Variants in NRXN1 observed in about 807,000 individuals in gnomAD.
NRXN1 encodes neurexin 1, also known as neurexin-1.
NRXN1 carries 39 observed loss-of-function variants against 150.9 expected under a neutral mutation model. That is an observed-to-expected ratio of 0.26 (90% CI 0.20 to 0.34). The LOEUF (loss-of-function observed/expected upper bound fraction) is 0.34, where lower values mean the gene tolerates loss of function less well. NRXN1 is among the 10% of genes least tolerant of loss of function. The pLI, the probability that NRXN1 is intolerant of heterozygous loss-of-function variation, is 1.00. For missense variants in NRXN1, 1,815 were observed against 1,949.9 expected (o/e 0.93, Z 1.30); for synonymous variants, 924 against 757.0 (o/e 1.22, Z -3.62).
intron 5 of NRXN1, among the ~76,000 whole-genome samples, chr2:50,831,237 C>T (rs1671365325): frequency 6.6e-6 from 1 of 152,200 alleles, no homozygotes; most frequent in South Asian, 2.1e-4. Flanking sequence ...TCTACAACTT[C>T]ATGCAACAAG....
At chr2:50,882,484 C>T (rs764795887) in intron 5 of NRXN1, among the ~76,000 whole-genome samples, 5 of 151,770 alleles carry the variant, frequency 3.3e-5, no homozygotes, top group East Asian at 1.9e-4. Context: ...AGCTGGTGTA[C>T]GGCTGAGCTA....
rs111990179 is a variant in NRXN1, at chr2:50,835,267, T to G, written c.832+86602A>C. On this transcript the variant is annotated intron_variant, in intron 5 of 22. Transcript: ENST00000401669. ...AAGTGAAAGATGAAGTAATATGATA[T>G]AAAAGAAAATCTAATGATACCCTTA... Among the ~76,000 whole-genome samples the G allele has an allele frequency of 1.6e-3, 248 of 152,200 alleles. 3 individuals are homozygous for G. The highest frequency in any genetic ancestry group is 5.8e-3 in the African/African-American group (241 of 41,536).
intron 17 of NRXN1, among the ~76,000 whole-genome samples, chr2:50,369,684 CG>C (rs2079868814): frequency 6.6e-6 from 1 of 151,966 alleles, no homozygotes; most frequent in African/African-American, 2.4e-5. Context: ...CTGAAGCTAA[CG>C]GGCATCTTTA....
intron 21 of NRXN1, among the ~76,000 whole-genome samples, chr2:49,947,843 A>C (rs1010160669): frequency 6.6e-6 from 1 of 152,218 alleles, no homozygotes; most frequent in Non-Finnish European, 1.5e-5. Context: ...AAATTAGTAC[A>C]TGAAAAGTAC....
At chr2:50,035,850 A>G (rs2152572082) in intron 21 of NRXN1, among the ~76,000 whole-genome samples, 1 of 152,256 alleles carries the variant, frequency 6.6e-6, no homozygotes, top group South Asian at 2.1e-4. Context: ...CCTTATGGTA[A>G]AGTGATCTTT....
rs1340197324 is a variant in NRXN1, at chr2:51,015,197, AC to A, written c.772+12304del. ...TCTGTCTGTCTCTCTCTCTCAATTT[AC>A]TTTAATCACAAATACTCTTTTTCTC... On this transcript the variant is annotated intron_variant, in intron 2 of 22. Transcript: ENST00000401669. 2.6e-5 allele frequency among the ~76,000 whole-genome samples: 4 copies of A among 151,858 alleles called. No individual in the cohort carries two copies. The East Asian group carries it at 7.8e-4, about 30-fold the overall frequency.
chr2:50,658,228 C>T (rs1375765144), intron 5 of NRXN1, among the ~76,000 whole-genome samples: 1 of 151,890 alleles, frequency 6.6e-6, no homozygotes, highest in Non-Finnish European at 1.5e-5. Context: ...CACACTTTGT[C>T]CATCTGATAC....
At chr2:50,207,023 C>A (rs908652444) in intron 18 of NRXN1, among the ~76,000 whole-genome samples, 2 of 151,832 alleles carry the variant, frequency 1.3e-5, no homozygotes, top group Non-Finnish European at 2.9e-5. Context: ...AAAACAGCTG[C>A]TCTTCTAGCA....
chr2:50,425,471 T>C (rs1485956915), intron 17 of NRXN1, among the ~76,000 whole-genome samples: 1 of 152,192 alleles, frequency 6.6e-6, no homozygotes, highest in East Asian at 1.9e-4. Context: ...GTTAATGGCA[T>C]CCTAGTTTTT....
chr2:50,785,660 A>T (rs1302127532), intron 5 of NRXN1, among the ~76,000 whole-genome samples: 2 of 152,108 alleles, frequency 1.3e-5, no homozygotes, highest in African/African-American at 4.8e-5. Flanking sequence ...ACACATAAAG[A>T]GAAGCAAAAG....
At chr2:50,787,167 G>A (rs755376516) in intron 5 of NRXN1, among the ~76,000 whole-genome samples, 1 of 152,110 alleles carries the variant, frequency 6.6e-6, no homozygotes, top group Non-Finnish European at 1.5e-5. Context: ...GGATCATTGT[G>A]TGCTCTAGTT....
At chr2:50,800,376 G>A (rs1472369566) in intron 5 of NRXN1, among the ~76,000 whole-genome samples, 2 of 151,794 alleles carry the variant, frequency 1.3e-5, no homozygotes, top group East Asian at 1.9e-4. Flanking sequence ...TTTTTCTATG[G>A]TACGTTTCAT....
At chr2:50,211,246 T>C (rs976722871) in intron 18 of NRXN1, among the ~76,000 whole-genome samples, 2 of 151,408 alleles carry the variant, frequency 1.3e-5, no homozygotes, top group Non-Finnish European at 3.0e-5. Flanking sequence ...AATGGGTAGA[T>C]GGGTTCAGTG....
chr2:50,152,264 C>G (rs141959681), intron 18 of NRXN1, among the ~76,000 whole-genome samples: 1,032 of 151,882 alleles, frequency 6.8e-3, no homozygotes, highest in Non-Finnish European at 7.8e-3. Context: ...TTTCACTACT[C>G]TAGGTACATT....
intron 17 of NRXN1, among the ~76,000 whole-genome samples, chr2:50,253,835 T>G (rs962790208): frequency 1.3e-5 from 2 of 151,812 alleles, no homozygotes; most frequent in African/African-American, 4.8e-5. Flanking sequence ...TGAGGATTTT[T>G]GCATCAGTGT....
chr2:51,002,840 T>C (rs554825668), intron 2 of NRXN1, among the ~76,000 whole-genome samples: 5 of 152,110 alleles, frequency 3.3e-5, no homozygotes, highest in Admixed American at 3.3e-4. Context: ...CTTTCTCTGT[T>C]CATCTCTAAT....
chr2:50,742,372 G>C (rs959552371), intron 5 of NRXN1, among the ~76,000 whole-genome samples: 1 of 151,514 alleles, frequency 6.6e-6, no homozygotes, highest in African/African-American at 2.4e-5. Flanking sequence ...AGAAACCCAA[G>C]TTTGGCACTT....
chr2:50,999,635 C>G (rs1699783304), intron 2 of NRXN1, among the ~76,000 whole-genome samples: 1 of 151,952 alleles, frequency 6.6e-6, no homozygotes, highest in South Asian at 2.1e-4. Flanking sequence ...AGAAAAGAAC[C>G]TACGTGAAAT....
chr2:50,314,616 T>C (rs1422552982), intron 17 of NRXN1, among the ~76,000 whole-genome samples: 2 of 123,394 alleles, frequency 1.6e-5, no homozygotes, highest in African/African-American at 8.4e-5. Context: ...ATTTCTAAAA[T>C]GTCATTATTT....
Sources: gnomAD v4.1 joint callset for allele counts (sites outside exome capture counted in the v4.1 genomes callset) on GRCh38, gnomAD v4.1.1 for gene constraint, MANE v1.5 for transcripts, NCBI Gene and HGNC (gene_info 2026-07-23, HGNC 2026-07-21) for gene names.